The following CNTN6 variants were observed in gnomAD, a reference collection of about 807,000 sequenced individuals.
The protein encoded by CNTN6 is contactin-6.
In CNTN6, 137 loss-of-function variants were observed where a neutral mutation model predicts 122.8. That is an observed-to-expected ratio of 1.12 (90% CI 0.97 to 1.29). The LOEUF (loss-of-function observed/expected upper bound fraction) is 1.29, where lower values mean the gene tolerates loss of function less well. CNTN6 is among the 50% of genes most tolerant of loss of function. The probability of loss-of-function intolerance (pLI) is 0.00; values close to 1 mark genes in which losing one functional copy is unlikely to be tolerated. For synonymous variants in CNTN6, 570 were observed against 426.0 expected (o/e 1.34, Z -4.16); for missense variants, 1,634 against 1,223.4 (o/e 1.34, Z -5.01).
intron 1 of CNTN6, among the ~76,000 whole-genome samples, chr3:1,099,679 G>A (rs577480442): frequency 1.3e-5 from 2 of 152,182 alleles, no homozygotes; most frequent in African/African-American, 4.8e-5. Context: ...TTTCATGTTT[G>A]TTATTTCTGG....
At chr3:1,113,804 T>C (rs1259293868) in intron 1 of CNTN6, among the ~76,000 whole-genome samples, 1 of 152,176 alleles carries the variant, frequency 6.6e-6, no homozygotes, top group Non-Finnish European at 1.5e-5. Flanking sequence ...ACACAATTCA[T>C]GAATACTCAT....
At chr3:1,132,106 G>A (rs1238383216) in intron 1 of CNTN6, among the ~76,000 whole-genome samples, 1 of 152,104 alleles carries the variant, frequency 6.6e-6, no homozygotes. Context: ...TGAAAAACTA[G>A]TATGTTCTGG....
intron 11 of CNTN6, among the ~76,000 whole-genome samples, chr3:1,348,755 G>A (rs1188515099): frequency 2.6e-5 from 4 of 151,928 alleles, no homozygotes; most frequent in Non-Finnish European, 5.9e-5. Context: ...CCGCCATCTA[G>A]TGGGTACCTT....
chr3:1,260,608 C>G (rs555362337), intron 4 of CNTN6, among the ~76,000 whole-genome samples: 5 of 152,126 alleles, frequency 3.3e-5, no homozygotes, highest in African/African-American at 1.2e-4. Context: ...GGCTGTGTCC[C>G]TGCCCAAATC....
chr3:1,344,200 G>C (rs764352413), intron 11 of CNTN6, among the ~76,000 whole-genome samples: 2 of 152,144 alleles, frequency 1.3e-5, no homozygotes, highest in Non-Finnish European at 2.9e-5. Flanking sequence ...GCAGGAAACA[G>C]TGCTCAGTTC....
chr3:1,161,019 T>C (rs917912533), intron 2 of CNTN6, among the ~76,000 whole-genome samples: 7 of 151,874 alleles, frequency 4.6e-5, no homozygotes, highest in Admixed American at 6.6e-5. Flanking sequence ...TCTATTGTAT[T>C]TGTATGGTGG....
rs116809576 is a variant in CNTN6, at chr3:1,178,248, C to G, written c.55+30185C>G. ...ATTCTTCCAGGATTCCAATTACACTCAGCTCTTAGATGCTCTGTTCTGCTT... is the reference window on the plus strand; with the variant it reads ...ATTCTTCCAGGATTCCAATTACACTGAGCTCTTAGATGCTCTGTTCTGCTT... On this transcript the variant is annotated intron_variant, in intron 2 of 22. Transcript: ENST00000446702. Among the ~76,000 whole-genome samples the G allele has an allele frequency of 9.8e-3, 1,496 of 152,178 alleles. 34 individuals are homozygous for G. Among genetic ancestry groups the G allele is most frequent in the African/African-American group, 0.035 (1,436 of 41,534 alleles).
intron 12 of CNTN6, among the ~76,000 whole-genome samples, chr3:1,370,637 G>A (rs911214556): frequency 6.6e-6 from 1 of 152,082 alleles, no homozygotes; most frequent in Admixed American, 6.6e-5. Context: ...ATCACTTGAT[G>A]TCAGGAGTTT....
intron 2 of CNTN6, among the ~76,000 whole-genome samples, chr3:1,186,017 G>T (rs181877102): frequency 1.1e-4 from 17 of 152,058 alleles, no homozygotes; most frequent in African/African-American, 3.6e-4. Context: ...ACAGTATGAA[G>T]AATACAAAAG....
In CNTN6 at chr3:1,308,638, C is replaced by T. The variant is rs552804753; in HGVS notation, c.761+10647C>T. 3.9e-5 allele frequency among the ~76,000 whole-genome samples: 6 copies of T among 151,934 alleles called. No homozygotes were observed. In the South Asian group the frequency reaches 1.2e-3, roughly 32 times the overall value. On this transcript the variant is annotated intron_variant, in intron 7 of 22. Coordinates refer to ENST00000446702, the MANE Select transcript of CNTN6 (RefSeq NM_001289080.2). ...TAAACATATGATCTTGTTGTTGTCTCCGACTCTAATCCATTACCACATGGA... is the reference window on the plus strand; with the variant it reads ...TAAACATATGATCTTGTTGTTGTCTTCGACTCTAATCCATTACCACATGGA...
chr3:1,241,642 GGTTGGC>G (rs1183768374), intron 4 of CNTN6, among the ~76,000 whole-genome samples: 3 of 152,126 alleles, frequency 2.0e-5, no homozygotes, highest in Non-Finnish European at 2.9e-5. Context: ...TTACTTGCTT[GGTTGGC>G]AAGTTTTTGG....
chr3:1,293,729 G>A lies in CNTN6; in HGVS notation c.455-1872G>A, dbSNP rs144962962. On this transcript the variant is annotated intron_variant, in intron 5 of 22. Coordinates refer to ENST00000446702, the MANE Select transcript of CNTN6 (RefSeq NM_001289080.2). ...GAAGACTTTTTTTGAGTTAGTTGCA[G>A]TATATTCCCCTTCTCCACCCTGAGT... 2.2e-3 allele frequency among the ~76,000 whole-genome samples: 335 copies of A among 152,200 alleles called. 5 individuals carry two copies. Among genetic ancestry groups the A allele is most frequent in the Admixed American group, 0.016 (243 of 15,274 alleles).
chr3:1,101,963 T>A (rs751322283), intron 1 of CNTN6, among the ~76,000 whole-genome samples: 1 of 152,234 alleles, frequency 6.6e-6, no homozygotes, highest in African/African-American at 2.4e-5. Flanking sequence ...ACGGACCATA[T>A]TTTTAAGATG....
At chr3:1,119,603 G>A (rs1290769701) in intron 1 of CNTN6, among the ~76,000 whole-genome samples, 1 of 151,770 alleles carries the variant, frequency 6.6e-6, no homozygotes, top group African/African-American at 2.4e-5. Flanking sequence ...TTCCACTTGT[G>A]CGTAAACAGA....
intron 7 of CNTN6, among the ~76,000 whole-genome samples, chr3:1,314,577 G>C (rs906613293): frequency 6.6e-6 from 1 of 152,062 alleles, no homozygotes; most frequent in Non-Finnish European, 1.5e-5. Context: ...GCTTCTACTA[G>C]TGTATGTAGA....
chr3:1,156,481 G>C (rs2125215678), intron 2 of CNTN6, among the ~76,000 whole-genome samples: 1 of 152,202 alleles, frequency 6.6e-6, no homozygotes, highest in South Asian at 2.1e-4. Context: ...TCAAATATTT[G>C]ACTCGTTATA....
At chr3:1,104,192 A>G (rs975858711) in intron 1 of CNTN6, among the ~76,000 whole-genome samples, 44 of 152,112 alleles carry the variant, frequency 2.9e-4, no homozygotes, top group Non-Finnish European at 1.2e-4. Context: ...AACATTGTTA[A>G]TTTTCGGTCT....
At chr3:1,304,860 G>A (rs561976253) in intron 7 of CNTN6, among the ~76,000 whole-genome samples, 1 of 151,896 alleles carries the variant, frequency 6.6e-6, no homozygotes, top group South Asian at 2.1e-4. Context: ...CGGGTGCAGT[G>A]GCAGACACCT....
At position 1,240,471 on chromosome 3, in the gene CNTN6, C is replaced by A. The variant is rs148960521; in HGVS notation, c.358+12478C>A. Among the ~76,000 whole-genome samples the A allele has an allele frequency of 3.4e-3, 517 of 152,162 alleles. 4 individuals are homozygous for A. Among genetic ancestry groups the A allele is most frequent in the African/African-American group, 0.012 (487 of 41,546 alleles). On this transcript the variant is annotated intron_variant, in intron 4 of 22. Transcript: ENST00000446702. ...AAAAATGTAAATCAAAACCACAATG[C>A]AATACGACCTCCCTCCTGCAAGAAT...
Sources: allele counts gnomAD v4.1 joint callset (sites outside exome capture counted in the v4.1 genomes callset), GRCh38; gene constraint gnomAD v4.1.1; transcripts MANE v1.5; gene names NCBI Gene and HGNC (gene_info 2026-07-23, HGNC 2026-07-21).